KMO: variants seen among roughly 807,000 people sequenced by gnomAD.
The protein encoded by KMO is kynurenine 3-monooxygenase.
In KMO, 24 loss-of-function variants were observed where a neutral mutation model predicts 57.8. That is an observed-to-expected ratio of 0.42 (90% CI 0.30 to 0.58). The LOEUF (loss-of-function observed/expected upper bound fraction) is 0.58, where lower values mean the gene tolerates loss of function less well. Ranked by LOEUF, KMO falls within the 20% of genes least tolerant of loss-of-function variation. The pLI is 0.22. For missense variants in KMO, 483 were observed against 588.2 expected, an observed-to-expected ratio of 0.82 and a Z score of 1.85; for synonymous variants, 210 against 193.6, an observed-to-expected ratio of 1.08 and a Z score of -0.70.
chr1:241,555,695 T>G, intron 5 of KMO, 35 bp downstream of exon 5: 1 of 1,271,288 alleles, frequency 7.9e-7, no homozygotes, highest in Non-Finnish European at 1.1e-6. Flanking sequence ...GTTGTCATTT[T>G]GAGTAAAGCA....
chr1:241,536,018 A>G lies in KMO; in HGVS notation c.54+3520A>G, dbSNP rs553018609. Among the ~76,000 whole-genome samples, 16 of 152,348 alleles carry G rather than the reference A, an allele frequency of 1.1e-4. No homozygotes were observed. In the South Asian group the frequency reaches 2.5e-3, roughly 24 times the overall value. ...TATAAAGGTTTCCCAGTGCCTTATAATGTGAGCCACACTAAAATATTTTCT... is the reference window on the plus strand; with the variant it reads ...TATAAAGGTTTCCCAGTGCCTTATAGTGTGAGCCACACTAAAATATTTTCT... On this transcript the variant is annotated intron_variant, in intron 1 of 14. Transcript: ENST00000366559.
At position 241,592,722 on chromosome 1, in the gene KMO, G is replaced by GTCTA. The variant is rs781555068; in HGVS notation, c.*580_*583dup. ...AAGTATTATCATCTATCTGTTTATC[G>GTCTA]TCTATCTATCTATCATCTATCTATC... On this transcript the variant is annotated 3_prime_UTR_variant, in exon 15 of 15. Transcript: ENST00000366559. 6.8e-6 allele frequency: 1 copy of GTCTA among 146,828 alleles called. No individual in the cohort carries two copies. Among genetic ancestry groups the GTCTA allele is most frequent in the Non-Finnish European group, 1.5e-5 (1 of 66,184 alleles). The allele number at this position is 146,828 out of a possible 1,614,324, so 9.1% of individuals were successfully genotyped here. A position where few individuals can be genotyped will look rare whatever the true frequency, so the allele number is the denominator to read the frequency against.
intron 12 of KMO, among the ~76,000 whole-genome samples, chr1:241,589,559 T>C (rs937987941): frequency 1.3e-5 from 2 of 152,180 alleles, no homozygotes; most frequent in Non-Finnish European, 2.9e-5. Context: ...TATCTTGTCT[T>C]CTCCTTTAAA....
intron 10 of KMO, among the ~76,000 whole-genome samples, chr1:241,573,694 A>G (rs113229019): frequency 0.026 from 3,989 of 152,146 alleles, 102 homozygotes; most frequent in Non-Finnish European, 0.036. Flanking sequence ...AGTATAATTT[A>G]AGGTCCAGTA....
intron 10 of KMO, 150 bp downstream of exon 10, chr1:241,568,797 T>C: frequency 1.3e-6 from 1 of 773,976 alleles, no homozygotes; most frequent in Non-Finnish European, 2.0e-6. Context: ...TGTAGCTAGA[T>C]TGATCACTCT....
At position 241,549,788 on chromosome 1, in the gene KMO, CT is replaced by C; in HGVS notation, c.222+17del. 6.7e-7 allele frequency: 1 copy of C among 1,503,450 alleles called. No homozygotes were observed. Among genetic ancestry groups the C allele is most frequent in the Non-Finnish European group, 9.2e-7 (1 of 1,082,652 alleles). The allele number at this position is 1,503,450 out of a possible 1,614,324, so 93.1% of individuals were successfully genotyped here. A position where few individuals can be genotyped will look rare whatever the true frequency, so the allele number is the denominator to read the frequency against. On this transcript the variant is annotated intron_variant, in intron 3 of 14. Transcript: ENST00000366559. ...CTGGAAGATCAGGTACTTAATGTAT[CT>C]TTCTTACAGAAGATAATACCTGGTA...
At chr1:241,565,602 C>T (rs914830095) in intron 8 of KMO, among the ~76,000 whole-genome samples, 1 of 150,726 alleles carries the variant, frequency 6.6e-6, no homozygotes, top group Non-Finnish European at 1.5e-5. Flanking sequence ...GTGACACGTG[C>T]ATCCCCAACT....
At chr1:241,571,864 CTTTTT>C (rs34450394) in intron 10 of KMO, among the ~76,000 whole-genome samples, 114 of 96,508 alleles carry the variant, frequency 1.2e-3, no homozygotes, top group African/African-American at 4.0e-3. Context: ...ATATTAGTTC[CTTTTT>C]TTTTTTTTTT....
intron 11 of KMO, among the ~76,000 whole-genome samples, chr1:241,587,751 C>CTT (rs11409165): frequency 0.012 from 1,718 of 146,620 alleles, 25 homozygotes; most frequent in African/African-American, 0.035. Flanking sequence ...GCATAAATTC[C>CTT]TTTTTTTTTT....
At chr1:241,586,506 G>A (rs2147983421) in intron 10 of KMO, 173 bp from the exon 11 acceptor site, 2 of 608,510 alleles carry the variant, frequency 3.3e-6, no homozygotes, top group Admixed American at 5.3e-5. Context: ...AGGCCCGATG[G>A]TCATTTTTAA....
chr1:241,570,231 C>T (rs1662224477), intron 10 of KMO, among the ~76,000 whole-genome samples: 1 of 151,792 alleles, frequency 6.6e-6, no homozygotes, highest in Non-Finnish European at 1.5e-5. Flanking sequence ...TTTTTTTTAG[C>T]TTGATATGAT....
intron 1 of KMO, among the ~76,000 whole-genome samples, chr1:241,545,005 T>G (rs949684207): frequency 6.6e-6 from 1 of 152,170 alleles, no homozygotes; most frequent in Non-Finnish European, 1.5e-5. Flanking sequence ...GGGTGTTTAC[T>G]GGGCACAAGG....
rs1662023516 is a variant in KMO at position 241,565,041 on chromosome 1, A to G, written c.670A>G (p.Ile224Val). Residue 224 changes from isoleucine (I) to valine (V), a missense_variant, in exon 8 of 15, where the codon ATT becomes GTT. Coordinates refer to ENST00000366559, the MANE Select transcript of KMO (RefSeq NM_003679.5). ...TTGGCCTAGAAATACCTTTATGATG[A>G]TTGCACTTCCTAACATGGTAGTATA... ...HIWPRNTFMMIALPNMNKSFT... is the reference protein window; with the variant it reads ...HIWPRNTFMMVALPNMNKSFT... The G allele has an allele frequency of 5.0e-6, 8 of 1,598,564 alleles. No individual in the cohort carries two copies. In the East Asian group the frequency reaches 1.8e-4, roughly 36 times the overall value.
intron 10 of KMO, among the ~76,000 whole-genome samples, chr1:241,585,825 C>G (rs1480913461): frequency 6.6e-6 from 1 of 151,426 alleles, no homozygotes; most frequent in African/African-American, 2.4e-5. Flanking sequence ...AAAGCTGTAG[C>G]TTGAATTCCT....
intron 4 of KMO, among the ~76,000 whole-genome samples, chr1:241,553,805 A>G (rs1661501919): frequency 6.6e-6 from 1 of 152,242 alleles, no homozygotes; most frequent in South Asian, 2.1e-4. Flanking sequence ...CCTAGCTTTG[A>G]GGCAGAGAAT....
At chr1:241,557,719 T>C (rs964040690) in intron 5 of KMO, among the ~76,000 whole-genome samples, 3 of 152,134 alleles carry the variant, frequency 2.0e-5, no homozygotes, top group African/African-American at 7.2e-5. Context: ...TCCCAGCACC[T>C]TGGTAGGCTG....
intron 10 of KMO, among the ~76,000 whole-genome samples, chr1:241,585,916 A>G (rs530280857): frequency 6.6e-6 from 1 of 152,158 alleles, no homozygotes; most frequent in South Asian, 2.1e-4. Flanking sequence ...GGACTTCTTA[A>G]TATTGCTTTA....
chr1:241,577,874 G>A (rs983814486), intron 10 of KMO, among the ~76,000 whole-genome samples: 2 of 152,092 alleles, frequency 1.3e-5, no homozygotes, highest in Non-Finnish European at 2.9e-5. Flanking sequence ...GTCTTTTCAG[G>A]GGAAACGGTG....
rs374123015 is a variant in KMO, at chr1:241,591,727, G to A, written c.1261-226G>A. Among the ~76,000 whole-genome samples the A allele has an allele frequency of 4.3e-4, 66 of 152,274 alleles. 2 individuals carry two copies. The Middle Eastern group carries it at 0.01, about 24-fold the overall frequency. ...ACTGCTAAATTTTTTTCATACAGAAGACCTGGATTCATGAGTTTCCTGGGA... is the reference window on the plus strand; with the variant it reads ...ACTGCTAAATTTTTTTCATACAGAAAACCTGGATTCATGAGTTTCCTGGGA... On this transcript the variant is annotated intron_variant, in intron 14 of 14. Transcript: ENST00000366559.
Sources: gnomAD v4.1 joint callset for allele counts (sites outside exome capture counted in the v4.1 genomes callset) on GRCh38, gnomAD v4.1.1 for gene constraint, MANE v1.5 for transcripts, NCBI Gene and HGNC (gene_info 2026-07-23, HGNC 2026-07-21) for gene names.